EXOSC2: variants seen among roughly 807,000 people sequenced by gnomAD.
EXOSC2 encodes the protein exosome component 2.
In EXOSC2, 29 loss-of-function variants were observed where a neutral mutation model predicts 37.6. That is an observed-to-expected ratio of 0.77 (90% CI 0.57 to 1.05). EXOSC2 has a LOEUF of 1.05. Among genes scored for constraint, EXOSC2 ranks in the 50% least tolerant of loss-of-function variants. EXOSC2 has a pLI of 0.00. For missense variants in EXOSC2, 346 were observed against 365.6 expected (o/e 0.95, Z 0.44); for synonymous variants, 119 against 131.1 (o/e 0.91, Z 0.63).
chr9:130,700,539 A>G (rs1348626786), intron 5 of EXOSC2, among the ~76,000 whole-genome samples: 3 of 149,422 alleles, frequency 2.0e-5, no homozygotes, highest in East Asian at 4.0e-4. Flanking sequence ...TTGTACTTTT[A>G]GTAGAGACGG....
intron 3 of EXOSC2, chr9:130,697,898 A>T (rs1831130786): frequency 7.4e-6 from 4 of 539,430 alleles, no homozygotes; most frequent in Admixed American, 3.1e-5. Context: ...GGTTCAAGCG[A>T]TTCTCCTGCC....
chr9:130,700,766 G>A (rs1299723314), intron 5 of EXOSC2, 101 bp from the exon 6 acceptor site: 2 of 995,204 alleles, frequency 2.0e-6, no homozygotes, highest in Non-Finnish European at 3.2e-6. Flanking sequence ...CCATTGGAGA[G>A]GGGAGGAAAA....
intron 2 of EXOSC2, among the ~76,000 whole-genome samples, chr9:130,696,435 G>A (rs1588196671): frequency 6.6e-6 from 1 of 152,106 alleles, no homozygotes; most frequent in East Asian, 1.9e-4. Flanking sequence ...GACTTGATCT[G>A]GACTTAAGCT....
chr9:130,697,989 T>C, intron 3 of EXOSC2, 173 bp from the exon 4 acceptor site: 1 of 595,628 alleles, frequency 1.7e-6, no homozygotes, highest in Non-Finnish European at 3.0e-6. Flanking sequence ...AGATGGGGTT[T>C]CATTATATTG....
At position 130,698,324 on chromosome 9, in the gene EXOSC2, C is replaced by T. The variant is rs1831141876; in HGVS notation, c.360+73C>T. 7 of 1,396,942 alleles carry T rather than the reference C, an allele frequency of 5.0e-6. No homozygotes were observed. Among genetic ancestry groups the T allele is most frequent in the Middle Eastern group, 2.4e-4 (1 of 4,154 alleles). The allele number at this position is 1,396,942 out of a possible 1,614,324, so 86.5% of individuals were successfully genotyped here. Reference sequence around the variant, plus strand: ...GGAGCCGTGGGACCCTTTGTTCCACCAGAGGACTTTGATTTACACTGAGGT... The same window carrying T: ...GGAGCCGTGGGACCCTTTGTTCCACTAGAGGACTTTGATTTACACTGAGGT... On this transcript the variant is annotated intron_variant, in intron 4 of 8. Coordinates refer to ENST00000372358, the MANE Select transcript of EXOSC2 (RefSeq NM_014285.7). The surrounding 1 kb of genome is among the most constrained non-coding windows in gnomAD (Gnocchi z 4.1).
At chr9:130,701,994 ATG>A (rs1326318087) in intron 6 of EXOSC2, 138 bp from the exon 7 acceptor site, 1 of 1,449,466 alleles carries the variant, frequency 6.9e-7, no homozygotes, top group Non-Finnish European at 9.1e-7. Flanking sequence ...AATGTGTACT[ATG>A]TGTATGCATG....
Position 130,695,500 on chromosome 9 carries a change from G to T in EXOSC2, c.131G>T (p.Gly44Val). ...TTDTGFMRGH[G>V]TYMGEEKLIA... ...TCTTCGCCTTGCATCAGGGGCCATG[G>T]AACGTATATGGGAGAAGAGAAGCTC... is the stretch of plus-strand genomic sequence containing the variant. The change falls in exon 2 of 9, where the codon GGA becomes GTA. Residue 44 changes from glycine (G) to valine (V), a missense_variant. Transcript: ENST00000372358. The T allele has an allele frequency of 6.2e-7, 1 of 1,614,032 alleles. No homozygotes were observed. Among genetic ancestry groups the T allele is most frequent in the Non-Finnish European group, 8.5e-7 (1 of 1,179,888 alleles).
chr9:130,699,419 C>CT (rs771515440), intron 5 of EXOSC2, 25 bp downstream of exon 5: 15 of 1,609,802 alleles, frequency 9.3e-6, no homozygotes, highest in Non-Finnish European at 1.2e-5. Flanking sequence ...GCACTCCAGC[C>CT]TCTTGATGCT....
At position 130,702,147 on chromosome 9, in the gene EXOSC2, T is replaced by G; in HGVS notation, c.509T>G (p.Val170Gly). ...ATATTTCTTTAGCTAGGTCAGGGGGTTTTGGTCCAGGTTTCCCCCTCCCTG... is the reference window on the plus strand; with the variant it reads ...ATATTTCTTTAGCTAGGTCAGGGGGGTTTGGTCCAGGTTTCCCCCTCCCTG... Reference protein sequence around the residue: ...SLKYGKLGQGVLVQVSPSLVK... With the variant: ...SLKYGKLGQGGLVQVSPSLVK... The change falls in exon 7 of 9, where the codon GTT (valine) becomes GGT (glycine). Residue 170 changes from valine to glycine, a missense_variant. Physicochemically the swap from Val to Gly is moderately radical, Grantham distance 109 (BLOSUM62 -3). Transcript: ENST00000372358. 6.2e-7 allele frequency: 1 copy of G among 1,613,486 alleles called. No individual in the cohort carries two copies. The highest frequency in any genetic ancestry group is 8.5e-7 in the Non-Finnish European group (1 of 1,179,814).
chr9:130,701,465 A>C (rs960743317), intron 6 of EXOSC2: 2 of 329,610 alleles, frequency 6.1e-6, no homozygotes, highest in African/African-American at 4.5e-5. Flanking sequence ...TCCTAAAACA[A>C]ATTAGGATTT....
chr9:130,695,819 G>A (rs1387051204), intron 2 of EXOSC2, among the ~76,000 whole-genome samples: 6 of 150,228 alleles, frequency 4.0e-5, no homozygotes, highest in African/African-American at 1.5e-4. Flanking sequence ...TCTGCAAAGT[G>A]AGTATAATAG....
In EXOSC2 at chr9:130,703,554, A is replaced by G. The variant is rs1055654857; in HGVS notation, c.802-140A>G. ...TTTATTAGGCTGCTTCTAGCAGATC[A>G]TATCTTGTAACGCTTAGTCTCTGAG... On this transcript the variant is annotated intron_variant, in intron 8 of 8. Transcript: ENST00000372358. 85 of 670,972 alleles carry G rather than the reference A, an allele frequency of 1.3e-4. No homozygotes were observed. In the South Asian group the frequency reaches 1.7e-3, roughly 13 times the overall value. The allele number at this position is 670,972 out of a possible 1,614,324, so 41.6% of individuals were successfully genotyped here. A position where few individuals can be genotyped will look rare whatever the true frequency, so the allele number is the denominator to read the frequency against.
At position 130,703,809 on chromosome 9, in the gene EXOSC2, G is replaced by C; in HGVS notation, c.*35G>C. On this transcript the variant is annotated 3_prime_UTR_variant, in exon 9 of 9. Transcript: ENST00000372358. ...CCAGAAGCACGGGACTGTGGACCTTGCAGGAGTGAAGACTGTGATGTGTGG... is the reference window on the plus strand; with the variant it reads ...CCAGAAGCACGGGACTGTGGACCTTCCAGGAGTGAAGACTGTGATGTGTGG... The C allele has an allele frequency of 6.4e-7, 1 of 1,556,444 alleles. No individual in the cohort carries two copies. The highest frequency in any genetic ancestry group is 8.8e-7 in the Non-Finnish European group (1 of 1,132,558).
At chr9:130,701,115 G>C in intron 6 of EXOSC2, 180 bp downstream of exon 6, 1 of 598,482 alleles carries the variant, frequency 1.7e-6, no homozygotes, top group Non-Finnish European at 3.0e-6. Context: ...AGGGTTCACA[G>C]GGTCATGGGT....
At chr9:130,702,022 A>G in intron 6 of EXOSC2, 112 bp from the exon 7 acceptor site, 1 of 1,467,228 alleles carries the variant, frequency 6.8e-7, no homozygotes, top group Non-Finnish European at 9.0e-7. Flanking sequence ...GACAGCAATT[A>G]TAAACAGGAA....
At chr9:130,696,403 G>A (rs1028583279) in intron 2 of EXOSC2, among the ~76,000 whole-genome samples, 1 of 152,154 alleles carries the variant, frequency 6.6e-6, no homozygotes, top group African/African-American at 2.4e-5. Context: ...GGGAAGCACT[G>A]GAAGGGGTGG....
rs1487004329 is a variant in EXOSC2 at position 130,703,179 on chromosome 9, C to T, written c.799C>T (p.Gln267Ter). 6.2e-7 allele frequency: 1 copy of T among 1,609,532 alleles called. No homozygotes were observed. The highest frequency in any genetic ancestry group is 1.1e-5 in the South Asian group (1 of 90,832). Residue 267 changes from glutamine to a stop codon, truncating the protein, a stop_gained and splice_region_variant, in exon 8 of 9, where the codon CAG (glutamine) becomes TAG (stop). Coordinates refer to ENST00000372358, the MANE Select transcript of EXOSC2 (RefSeq NM_014285.7). LOFTEE classifies it high-confidence loss of function. ...CTGCTATGAAGCATCCCTTCCACAT[C>T]AGGTACTCTCCCCAGGGCCTCTCCC... ...LYCYEASLPH[Q>*]IKDILKPEIM...
Position 130,695,512 on chromosome 9 carries a change from G to C in EXOSC2, c.143G>C (p.Gly48Ala). The C allele has an allele frequency of 6.2e-7, 1 of 1,614,176 alleles. No homozygotes were observed. Among genetic ancestry groups the C allele is most frequent in the African/African-American group, 1.3e-5 (1 of 75,050 alleles). ...ATCAGGGGCCATGGAACGTATATGGGAGAAGAGAAGCTCATTGCATCTGTT... is the reference window on the plus strand; with the variant it reads ...ATCAGGGGCCATGGAACGTATATGGCAGAAGAGAAGCTCATTGCATCTGTT... ...GFMRGHGTYM[G>A]EEKLIASVAG... The change falls in exon 2 of 9, where the codon GGA becomes GCA. Residue 48 changes from glycine to alanine, a missense_variant. Transcript: ENST00000372358.
intron 6 of EXOSC2, chr9:130,701,868 GT>G (rs951773608): frequency 8.2e-7 from 1 of 1,222,374 alleles, no homozygotes; most frequent in Non-Finnish European, 1.0e-6. Flanking sequence ...TGGCACATGA[GT>G]TCTGGCTTAG....
Sources: gnomAD v4.1 joint callset for allele counts (sites outside exome capture counted in the v4.1 genomes callset) on GRCh38, gnomAD v4.1.1 for gene constraint, Gnocchi (gnomAD v3.1) non-coding constraint, MANE v1.5 for transcripts, NCBI Gene and HGNC (gene_info 2026-07-23, HGNC 2026-07-21) for gene names.